Variants in BLZF1 observed in about 807,000 individuals in gnomAD.
BLZF1 encodes golgin-45.
In BLZF1, 39 loss-of-function variants were observed where a neutral mutation model predicts 43.8. The observed-to-expected ratio is 0.89, with a 90% CI of 0.69 to 1.16. BLZF1 has a LOEUF of 1.16. Ranked by LOEUF, BLZF1 falls within the 50% of genes most tolerant of loss-of-function variation. BLZF1 has a pLI of 0.00. For missense variants in BLZF1, 449 were observed against 469.8 expected (o/e 0.96, Z 0.41); for synonymous variants, 136 against 159.4 (o/e 0.85, Z 1.11).
chr1:169,375,391 A>AATATATATATAT (rs1557846915), intron 2 of BLZF1, among the ~76,000 whole-genome samples: 1 of 51,838 alleles, frequency 1.9e-5, no homozygotes, highest in African/African-American at 7.9e-5. Context: ...ATATATATAA[A>AATATATATATAT]ACATATATAT....
In BLZF1 at chr1:169,387,211, T is replaced by A; in HGVS notation, c.*29T>A. On this transcript the variant is annotated 3_prime_UTR_variant, in exon 7 of 7. Coordinates refer to ENST00000367808, the MANE Select transcript of BLZF1 (RefSeq NM_001320973.2). Reference sequence around the variant, plus strand: ...TCAATATGTTGGAGGCATGCTAAGGTACTTCCTTATTACCCAAGAGTCATT... The same window carrying A: ...TCAATATGTTGGAGGCATGCTAAGGAACTTCCTTATTACCCAAGAGTCATT... The A allele has an allele frequency of 6.3e-7, 1 of 1,588,338 alleles. No homozygotes were observed. The highest frequency in any genetic ancestry group is 1.1e-5 in the South Asian group (1 of 87,524).
chr1:169,375,634 A>C (rs975379369), intron 2 of BLZF1, among the ~76,000 whole-genome samples: 2 of 151,262 alleles, frequency 1.3e-5, no homozygotes, highest in Non-Finnish European at 3.0e-5. Context: ...TCTTAAGCAT[A>C]GTGGTCTTAC....
At position 169,369,670 on chromosome 1, in the gene BLZF1, C is replaced by G. The variant is rs147196680; in HGVS notation, c.28+120C>G. On this transcript the variant is annotated intron_variant, in intron 2 of 6. Transcript: ENST00000367808. Reference sequence around the variant, plus strand: ...TGGGAATCATTTGTTATTTCAGATCCCTTTATGTTTATTTTTTAGTGCAGT... The same window carrying G: ...TGGGAATCATTTGTTATTTCAGATCGCTTTATGTTTATTTTTTAGTGCAGT... 4,073 of 673,628 alleles carry G rather than the reference C, an allele frequency of 6.0e-3. 16 individuals carry two copies. Among genetic ancestry groups the G allele is most frequent in the Middle Eastern group, 8.3e-3 (33 of 3,960 alleles). 41.7% of individuals were successfully genotyped at this position (673,628 alleles called of 1,614,324 possible). A position where few individuals can be genotyped will look rare whatever the true frequency, so the allele number is the denominator to read the frequency against.
In BLZF1 at chr1:169,378,530, G is replaced by GT. The variant is rs1654435538; in HGVS notation, c.668+2dup. The GT allele has an allele frequency of 6.2e-7, 1 of 1,611,236 alleles. No individual in the cohort carries two copies. Among genetic ancestry groups the GT allele is most frequent in the African/African-American group, 1.3e-5 (1 of 74,766 alleles). ...GGCGAAGTAAATTCCTTGCAAGCAG[G>GT]TATTTTCTACAGCAAATAGTATTTC... is the stretch of plus-strand genomic sequence containing the variant. On this transcript the variant is annotated splice_donor_variant, in intron 4 of 6. Transcript: ENST00000367808. LOFTEE classifies it high-confidence loss of function.
intron 2 of BLZF1, among the ~76,000 whole-genome samples, chr1:169,375,768 TATC>T (rs1654298385): frequency 1.3e-5 from 2 of 151,570 alleles, no homozygotes; most frequent in African/African-American, 4.8e-5. Flanking sequence ...CTCCCCTTGT[TATC>T]ATTCATTTAT....
chr1:169,385,558 A>G (rs1654642284), intron 6 of BLZF1, among the ~76,000 whole-genome samples: 1 of 152,212 alleles, frequency 6.6e-6, no homozygotes, highest in East Asian at 1.9e-4. Context: ...AAGACCTATA[A>G]TGTAATAACA....
chr1:169,380,085 T>A (rs12027242), intron 4 of BLZF1, among the ~76,000 whole-genome samples: 1 of 151,034 alleles, frequency 6.6e-6, no homozygotes, highest in Admixed American at 6.6e-5. Context: ...TTAATATTTT[T>A]CTGGGGGCAA....
chr1:169,379,374 G>A (rs1654458480), intron 4 of BLZF1, among the ~76,000 whole-genome samples: 1 of 151,868 alleles, frequency 6.6e-6, no homozygotes, highest in South Asian at 2.1e-4. Context: ...CTCTTTAACA[G>A]TCTTTTGTTT....
At chr1:169,392,264 G>A (rs931642947), downstream of BLZF1, among the ~76,000 whole-genome samples, 1 of 152,198 alleles carries the variant, frequency 6.6e-6, no homozygotes, top group Non-Finnish European at 1.5e-5. Flanking sequence ...ATATGGAATT[G>A]TAAACGCCGT....
At chr1:169,386,162 G>A (rs1397712707) in intron 6 of BLZF1, among the ~76,000 whole-genome samples, 1 of 152,138 alleles carries the variant, frequency 6.6e-6, no homozygotes, top group Non-Finnish European at 1.5e-5. Context: ...AATTAGGAGA[G>A]CATTGTGTTG....
chr1:169,379,676 C>T (rs1023019406), intron 4 of BLZF1, among the ~76,000 whole-genome samples: 2 of 151,948 alleles, frequency 1.3e-5, no homozygotes, highest in African/African-American at 4.8e-5. Flanking sequence ...TAACTGCAGT[C>T]TCAGACTTAA....
At chr1:169,377,070 G>A in intron 3 of BLZF1, 91 bp downstream of exon 3, 1 of 1,042,096 alleles carries the variant, frequency 9.6e-7, no homozygotes, top group Non-Finnish European at 1.4e-6. Flanking sequence ...TTCTTTATGG[G>A]AATGTCATTC....
chr1:169,378,641 A>G (rs1349458509), intron 4 of BLZF1, 112 bp downstream of exon 4: 3 of 945,582 alleles, frequency 3.2e-6, no homozygotes, highest in Non-Finnish European at 4.8e-6. Flanking sequence ...TAAGGTCATC[A>G]GAGTACTTCA....
downstream of BLZF1, among the ~76,000 whole-genome samples, chr1:169,390,559 A>G (rs1037174404): frequency 6.6e-6 from 1 of 152,210 alleles, no homozygotes; most frequent in Non-Finnish European, 1.5e-5. Context: ...GTTTACAGAC[A>G]AATTCCTAGA....
intron 3 of BLZF1, chr1:169,377,306 T>C (rs1284104127): frequency 6.7e-6 from 2 of 300,554 alleles, no homozygotes; most frequent in Non-Finnish European, 1.2e-5. Context: ...CAGCAGTCCT[T>C]GTTTTAAGGA....
intron 2 of BLZF1, among the ~76,000 whole-genome samples, chr1:169,372,489 A>G (rs10494478): frequency 0.084 from 12,818 of 152,224 alleles, 729 homozygotes; most frequent in Admixed American, 0.19. Context: ...AGTTCATGAC[A>G]CAAAGATTAG....
At chr1:169,383,371 C>G (rs1654580824) in intron 6 of BLZF1, among the ~76,000 whole-genome samples, 1 of 152,176 alleles carries the variant, frequency 6.6e-6, no homozygotes, top group Non-Finnish European at 1.5e-5. Flanking sequence ...TCTCTGTTGG[C>G]TCTTTCCTTT....
At chr1:169,371,822 T>C (rs1241731498) in intron 2 of BLZF1, among the ~76,000 whole-genome samples, 2 of 152,296 alleles carry the variant, frequency 1.3e-5, no homozygotes, top group South Asian at 2.1e-4. Context: ...GTAGACCAAA[T>C]AGAAAGGTCT....
At chr1:169,373,306 A>G (rs1317486193) in intron 2 of BLZF1, among the ~76,000 whole-genome samples, 16 of 152,174 alleles carry the variant, frequency 1.1e-4, no homozygotes, top group Non-Finnish European at 1.5e-5. Context: ...GTTCCCTTCA[A>G]ATAGTGGGGA....
Sources: allele counts gnomAD v4.1 joint callset (sites outside exome capture counted in the v4.1 genomes callset), GRCh38; gene constraint gnomAD v4.1.1; transcripts MANE v1.5; gene names NCBI Gene and HGNC (gene_info 2026-07-23, HGNC 2026-07-21).